Variants in HOMER1 observed in about 807,000 individuals in gnomAD.
HOMER1 encodes homer scaffold protein 1, also known as homer protein homolog 1.
In HOMER1, 3 loss-of-function variants were observed where a neutral mutation model predicts 48.9. The observed-to-expected ratio is 0.06, with a 90% CI of 0.03 to 0.16. The LOEUF (loss-of-function observed/expected upper bound fraction) is 0.16, where lower values mean the gene tolerates loss of function less well. Ranked by LOEUF, HOMER1 falls within the 10% of genes least tolerant of loss-of-function variation. HOMER1 has a pLI of 1.00. For missense variants in HOMER1, 247 were observed against 411.4 expected (o/e 0.60, Z 3.46); for synonymous variants, 134 against 146.4 (o/e 0.92, Z 0.61).
intron 1 of HOMER1, among the ~76,000 whole-genome samples, chr5:79,463,344 G>A (rs887286196): frequency 1.3e-5 from 2 of 152,208 alleles, no homozygotes; most frequent in African/African-American, 4.8e-5. Flanking sequence ...CAGTACACAT[G>A]TAAGAAGGAA....
At chr5:79,436,125 T>G (rs1171440532) in intron 5 of HOMER1, among the ~76,000 whole-genome samples, 1 of 142,274 alleles carries the variant, frequency 7.0e-6, no homozygotes, top group Non-Finnish European at 1.5e-5. Flanking sequence ...AGAGCGAGAC[T>G]CCGTCTCAAA....
intron 5 of HOMER1, among the ~76,000 whole-genome samples, chr5:79,425,139 A>G (rs890208353): frequency 5.8e-4 from 88 of 152,080 alleles, no homozygotes; most frequent in African/African-American, 2.1e-3. Context: ...GTCAATTAGG[A>G]AAAATTGTAG....
intron 1 of HOMER1, among the ~76,000 whole-genome samples, chr5:79,487,362 T>C (rs141620187): frequency 1.2e-3 from 177 of 152,204 alleles, no homozygotes; most frequent in Middle Eastern, 3.4e-3. Flanking sequence ...AACTTGAACA[T>C]ACAAAAAGAG....
intron 6 of HOMER1, among the ~76,000 whole-genome samples, chr5:79,398,319 A>ACACG (rs1367807996): frequency 6.6e-6 from 1 of 150,806 alleles, no homozygotes; most frequent in Non-Finnish European, 1.5e-5. Flanking sequence ...ACACACACAC[A>ACACG]CACACACACA....
intron 8 of HOMER1, among the ~76,000 whole-genome samples, chr5:79,393,288 T>C (rs1362491332): frequency 2.6e-5 from 4 of 152,088 alleles, no homozygotes; most frequent in Admixed American, 2.0e-4. Context: ...CTACAAAAAA[T>C]ACCTGGGATG....
At chr5:79,460,863 A>G (rs1751300954) in intron 1 of HOMER1, among the ~76,000 whole-genome samples, 1 of 152,244 alleles carries the variant, frequency 6.6e-6, no homozygotes, top group African/African-American at 2.4e-5. Flanking sequence ...AAGACAAAGA[A>G]GGAATCTGAG....
intron 6 of HOMER1, among the ~76,000 whole-genome samples, chr5:79,400,355 C>CTTTT (rs199554458): frequency 7.1e-6 from 1 of 141,410 alleles, no homozygotes; most frequent in African/African-American, 2.6e-5. Flanking sequence ...CCTTTTCTTT[C>CTTTT]TTTTTTTTTT....
At chr5:79,453,193 A>G (rs973563671) in intron 2 of HOMER1, among the ~76,000 whole-genome samples, 6 of 150,698 alleles carry the variant, frequency 4.0e-5, no homozygotes, top group Non-Finnish European at 8.9e-5. Flanking sequence ...GAAACGCAAG[A>G]AATCAAGACT....
intron 1 of HOMER1, among the ~76,000 whole-genome samples, chr5:79,476,122 C>T (rs1164115925): frequency 6.6e-6 from 1 of 152,186 alleles, no homozygotes; most frequent in African/African-American, 2.4e-5. Flanking sequence ...ATCCAGTCAT[C>T]AACATTGCTC....
rs62363113 is a variant in HOMER1 at position 79,450,723 on chromosome 5, G to A, written c.294+267C>T. ...CTCTGACAAAAATCCATTCTGAAGT[G>A]ATAATCCCCACCTTTTAATTCCTAT... is the stretch of plus-strand genomic sequence containing the variant. On this transcript the variant is annotated intron_variant, in intron 3 of 8. Transcript: ENST00000334082. Among the ~76,000 whole-genome samples the A allele has an allele frequency of 5.1e-3, 776 of 152,246 alleles. 4 individuals carry two copies. The highest frequency in any genetic ancestry group is 8.3e-3 in the Non-Finnish European group (564 of 68,016).
intron 5 of HOMER1, among the ~76,000 whole-genome samples, chr5:79,420,101 C>T (rs1750056601): frequency 6.6e-6 from 1 of 152,162 alleles, no homozygotes. Context: ...TGTGTAACTT[C>T]TGAACTTAAG....
At chr5:79,390,685 C>T (rs114678384) in intron 8 of HOMER1, among the ~76,000 whole-genome samples, 2,502 of 151,854 alleles carry the variant, frequency 0.016, 40 homozygotes, top group Middle Eastern at 0.041. Context: ...ATTATGTCAC[C>T]GAAAAAGCAG....
chr5:79,413,842 A>G (rs1749871863), intron 5 of HOMER1, among the ~76,000 whole-genome samples: 1 of 152,178 alleles, frequency 6.6e-6, no homozygotes, highest in Admixed American at 6.5e-5. Flanking sequence ...ATAAAAGTTA[A>G]CCTTTTAAAG....
intron 5 of HOMER1, among the ~76,000 whole-genome samples, chr5:79,407,537 CA>C (rs1749698416): frequency 6.6e-6 from 1 of 152,156 alleles, no homozygotes; most frequent in South Asian, 2.1e-4. Context: ...AAATACAGAA[CA>C]TAACAACAGA....
intron 1 of HOMER1, among the ~76,000 whole-genome samples, chr5:79,480,301 T>C (rs1374053536): frequency 6.6e-6 from 1 of 152,112 alleles, no homozygotes; most frequent in African/African-American, 2.4e-5. Flanking sequence ...ACACCTTATA[T>C]ATATAGTCTC....
At chr5:79,388,012 G>C (rs760257624) in intron 8 of HOMER1, among the ~76,000 whole-genome samples, 1 of 152,202 alleles carries the variant, frequency 6.6e-6, no homozygotes, top group Non-Finnish European at 1.5e-5. Context: ...AGGCAGAGTT[G>C]TGGGGGCAAT....
At chr5:79,423,052 G>A (rs1408548369) in intron 5 of HOMER1, among the ~76,000 whole-genome samples, 1 of 152,090 alleles carries the variant, frequency 6.6e-6, no homozygotes, top group Non-Finnish European at 1.5e-5. Flanking sequence ...ATGATTCACA[G>A]GTGAGATATC....
At chr5:79,379,544 C>G (rs1035288839) in intron 8 of HOMER1, among the ~76,000 whole-genome samples, 1 of 141,354 alleles carries the variant, frequency 7.1e-6, no homozygotes, top group Non-Finnish European at 1.5e-5. Flanking sequence ...TACATATATT[C>G]TGACAACAAT....
At chr5:79,406,060 G>A (rs755273368) in intron 5 of HOMER1, among the ~76,000 whole-genome samples, 28 of 152,264 alleles carry the variant, frequency 1.8e-4, no homozygotes, top group Admixed American at 3.3e-4. Flanking sequence ...TTGTTTTGGC[G>A]TAATTTACAA....
Sources: gnomAD v4.1 joint callset for allele counts (sites outside exome capture counted in the v4.1 genomes callset) on GRCh38, gnomAD v4.1.1 for gene constraint, MANE v1.5 for transcripts, NCBI Gene and HGNC (gene_info 2026-07-23, HGNC 2026-07-21) for gene names.